MRPS27: variants seen among roughly 807,000 people sequenced by gnomAD.
MRPS27 encodes the protein mitochondrial ribosomal protein S27.
Under a neutral mutation model 48.9 loss-of-function variants are expected in MRPS27, and 43 were observed. That is an observed-to-expected ratio of 0.88 (90% CI 0.69 to 1.13). The LOEUF is 1.13. Among genes scored for constraint, MRPS27 ranks in the 50% most tolerant of loss-of-function variants. The pLI, the probability that MRPS27 is intolerant of heterozygous loss-of-function variation, is 0.00. For synonymous variants in MRPS27, 188 were observed against 171.9 expected (o/e 1.09, Z -0.73); for missense variants, 467 against 476.3 (o/e 0.98, Z 0.18).
At chr5:72,257,409 G>C (rs1410285160) in intron 4 of MRPS27, among the ~76,000 whole-genome samples, 1 of 152,110 alleles carries the variant, frequency 6.6e-6, no homozygotes, top group African/African-American at 2.4e-5. Flanking sequence ...TAGCTGGTAA[G>C]TTTTCTGTTT....
chr5:72,316,541 G>A (rs757492547), intron 1 of MRPS27, among the ~76,000 whole-genome samples: 34 of 151,852 alleles, frequency 2.2e-4, no homozygotes, highest in Middle Eastern at 6.8e-3. Context: ...ATAATTTTTT[G>A]TATTTTTAGT....
intron 3 of MRPS27, among the ~76,000 whole-genome samples, chr5:72,297,173 T>C (rs1750002909): frequency 6.6e-6 from 1 of 152,194 alleles, no homozygotes. Flanking sequence ...AGGTGCTCAG[T>C]AATGGTTACT....
At chr5:72,236,814 G>A (rs1375872605) in intron 5 of MRPS27, among the ~76,000 whole-genome samples, 2 of 151,916 alleles carry the variant, frequency 1.3e-5, no homozygotes, top group African/African-American at 4.8e-5. Flanking sequence ...TGCATCTTTT[G>A]GTGACCATCT....
intron 2 of MRPS27, among the ~76,000 whole-genome samples, chr5:72,299,420 A>C (rs1010018634): frequency 3.3e-5 from 5 of 152,142 alleles, no homozygotes; most frequent in Non-Finnish European, 5.9e-5. Context: ...GGTTCCCCCC[A>C]AAAAAAGAAA....
At chr5:72,293,676 G>A (rs1449376496) in intron 4 of MRPS27, among the ~76,000 whole-genome samples, 6 of 152,130 alleles carry the variant, frequency 3.9e-5, no homozygotes, top group South Asian at 4.1e-4. Flanking sequence ...ATAGGTGCTC[G>A]GTAAATACTT....
intron 4 of MRPS27, among the ~76,000 whole-genome samples, chr5:72,260,043 T>C (rs1361981597): frequency 6.6e-6 from 1 of 152,218 alleles, no homozygotes; most frequent in Non-Finnish European, 1.5e-5. Flanking sequence ...TTTATTTCTA[T>C]TATTGATGAC....
intron 4 of MRPS27, among the ~76,000 whole-genome samples, chr5:72,294,281 C>T (rs1263470066): frequency 6.6e-6 from 1 of 151,578 alleles, no homozygotes; most frequent in African/African-American, 2.4e-5. Flanking sequence ...AAAAATGCAT[C>T]TAGAAAAAAA....
intron 2 of MRPS27, among the ~76,000 whole-genome samples, chr5:72,300,388 A>G (rs865951682): frequency 6.6e-6 from 1 of 152,064 alleles, no homozygotes; most frequent in Non-Finnish European, 1.5e-5. Flanking sequence ...CACGCCTTTA[A>G]CCATTACCTA....
intron 2 of MRPS27, among the ~76,000 whole-genome samples, chr5:72,300,753 C>T (rs1264273260): frequency 6.6e-6 from 1 of 152,200 alleles, no homozygotes; most frequent in Admixed American, 6.5e-5. Flanking sequence ...CATCTCCTGA[C>T]CTTGTTTTAA....
At chr5:72,279,432 T>G (rs1428171264) in intron 4 of MRPS27, among the ~76,000 whole-genome samples, 1 of 152,204 alleles carries the variant, frequency 6.6e-6, no homozygotes, top group Admixed American at 6.5e-5. Context: ...ACAAAATTTT[T>G]GTAGAATAGA....
intron 7 of MRPS27, among the ~76,000 whole-genome samples, chr5:72,231,363 G>A (rs73125464): frequency 0.011 from 1,662 of 152,130 alleles, 29 homozygotes; most frequent in African/African-American, 0.038. Flanking sequence ...TTTCCTTAAG[G>A]AAGCCCTTCC....
chr5:72,271,533 G>C (rs1345967779), intron 4 of MRPS27, among the ~76,000 whole-genome samples: 1 of 152,164 alleles, frequency 6.6e-6, no homozygotes, highest in African/African-American at 2.4e-5. Flanking sequence ...CCTAGGAATT[G>C]CTCTAGATTA....
At chr5:72,242,484 T>C (rs1010338276) in intron 4 of MRPS27, among the ~76,000 whole-genome samples, 85 of 150,884 alleles carry the variant, frequency 5.6e-4, no homozygotes, top group African/African-American at 1.9e-3. Flanking sequence ...GGTACTCTAT[T>C]GTGTGTAAAA....
rs1347017996 is a variant in MRPS27 at position 72,320,046 on chromosome 5, A to G, written c.73+103T>C. 3 of 1,228,960 alleles carry G rather than the reference A, an allele frequency of 2.4e-6. No individual in the cohort carries two copies. In the African/African-American group the frequency reaches 4.5e-5, roughly 18 times the overall value. The allele number at this position is 1,228,960 out of a possible 1,614,324, so 76.1% of individuals were successfully genotyped here. A position where few individuals can be genotyped will look rare whatever the true frequency, so the allele number is the denominator to read the frequency against. Reference sequence around the variant, plus strand: ...ACCAAACACCCCAAATGGCGTCCCTAGCAATCAGATTCCAGAAACGTTTCC... The same window carrying G: ...ACCAAACACCCCAAATGGCGTCCCTGGCAATCAGATTCCAGAAACGTTTCC... On this transcript the variant is annotated intron_variant, in intron 1 of 10. Transcript: ENST00000261413.
intron 10 of MRPS27, among the ~76,000 whole-genome samples, chr5:72,222,753 G>A (rs1032945682): frequency 2.6e-5 from 4 of 152,132 alleles, no homozygotes; most frequent in African/African-American, 4.8e-5. Flanking sequence ...TGGGAATATC[G>A]ATTAACCTTT....
chr5:72,243,702 T>C (rs747230304), intron 4 of MRPS27, among the ~76,000 whole-genome samples: 8 of 152,174 alleles, frequency 5.3e-5, no homozygotes, highest in South Asian at 2.1e-4. Flanking sequence ...GTCAACCAGA[T>C]TGGGCTTGAA....
At chr5:72,222,094 G>A (rs987887610) in intron 10 of MRPS27, among the ~76,000 whole-genome samples, 1 of 152,146 alleles carries the variant, frequency 6.6e-6, no homozygotes, top group Non-Finnish European at 1.5e-5. Context: ...GCTCCAGGAG[G>A]GGCCAGAGGC....
chr5:72,247,476 T>G (rs963773117), intron 4 of MRPS27, among the ~76,000 whole-genome samples: 1 of 152,174 alleles, frequency 6.6e-6, no homozygotes, highest in Admixed American at 6.5e-5. Flanking sequence ...CTAGCCTCCA[T>G]TCCCCCACCA....
intron 5 of MRPS27, 62 bp from the exon 6 acceptor site, chr5:72,234,259 T>C (rs1251109546): frequency 2.4e-6 from 3 of 1,242,798 alleles, no homozygotes; most frequent in East Asian, 3.2e-5. Flanking sequence ...GTCTGTAATA[T>C]ATGCCTATGT....
Sources: gnomAD v4.1 joint callset for allele counts (sites outside exome capture counted in the v4.1 genomes callset) on GRCh38, gnomAD v4.1.1 for gene constraint, MANE v1.5 for transcripts, NCBI Gene and HGNC (gene_info 2026-07-23, HGNC 2026-07-21) for gene names.